Variants in CPQ observed in about 807,000 individuals in gnomAD.
The protein encoded by CPQ is Ser-Met dipeptidase.
In CPQ, 37 loss-of-function variants were observed where a neutral mutation model predicts 45.7. That is an observed-to-expected ratio of 0.81 (90% CI 0.62 to 1.07). CPQ has a LOEUF of 1.07. Ranked by LOEUF, CPQ falls within the 50% of genes least tolerant of loss-of-function variation. CPQ has a pLI of 0.00. For synonymous variants in CPQ, 186 were observed against 205.8 expected (o/e 0.90, Z 0.82); for missense variants, 537 against 572.9 (o/e 0.94, Z 0.64).
intron 4 of CPQ, among the ~76,000 whole-genome samples, chr8:96,965,436 C>T (rs929056921): frequency 7.2e-6 from 1 of 139,108 alleles, no homozygotes; most frequent in African/African-American, 2.7e-5. Context: ...GTGGCGCAAT[C>T]TCAGCTCACT....
rs113772379 is a variant in CPQ at position 97,088,815 on chromosome 8, T to C, written c.1255+22605T>C. 5.1e-3 allele frequency among the ~76,000 whole-genome samples: 783 copies of C among 152,250 alleles called. 8 individuals carry two copies. Among genetic ancestry groups the C allele is most frequent in the African/African-American group, 0.018 (752 of 41,548 alleles). ...AAACTTGATTAATTTTAACCATAGG[T>C]AGCTCAAAAGAACAGCTCAATTAAA... On this transcript the variant is annotated intron_variant, in intron 7 of 7. Coordinates refer to ENST00000220763, the MANE Select transcript of CPQ (RefSeq NM_016134.4).
chr8:97,116,439 C>T (rs536990936), intron 7 of CPQ, among the ~76,000 whole-genome samples: 10 of 152,350 alleles, frequency 6.6e-5, no homozygotes, highest in African/African-American at 2.4e-4. Context: ...AATAAACAGA[C>T]ACCAGCTATA....
At chr8:96,919,497 G>A (rs1388664603) in intron 4 of CPQ, among the ~76,000 whole-genome samples, 2 of 151,984 alleles carry the variant, frequency 1.3e-5, no homozygotes, top group Non-Finnish European at 2.9e-5. Flanking sequence ...TACATTAATT[G>A]TAAACTAAAA....
At chr8:97,045,030 A>G (rs1287920967) in intron 6 of CPQ, among the ~76,000 whole-genome samples, 1 of 152,250 alleles carries the variant, frequency 6.6e-6, no homozygotes, top group South Asian at 2.1e-4. Flanking sequence ...TCAGACAGGG[A>G]CATTTAAGTC....
chr8:96,915,601 G>A (rs1812723338), intron 4 of CPQ, among the ~76,000 whole-genome samples: 1 of 152,060 alleles, frequency 6.6e-6, no homozygotes, highest in African/African-American at 2.4e-5. Flanking sequence ...CCTCACAGTT[G>A]TCTGACTGTG....
intron 2 of CPQ, among the ~76,000 whole-genome samples, chr8:96,806,947 G>A (rs1811087010): frequency 6.6e-6 from 1 of 152,088 alleles, no homozygotes; most frequent in Non-Finnish European, 1.5e-5. Context: ...AATATCTCAT[G>A]TACCCTATAA....
intron 1 of CPQ, among the ~76,000 whole-genome samples, chr8:96,715,661 A>G (rs1809664125): frequency 1.3e-5 from 2 of 152,128 alleles, no homozygotes; most frequent in Non-Finnish European, 2.9e-5. Flanking sequence ...TTCCCTGTGG[A>G]GTGCAGCACT....
intron 4 of CPQ, among the ~76,000 whole-genome samples, chr8:96,927,483 G>C (rs555240597): frequency 2.0e-5 from 3 of 152,156 alleles, no homozygotes; most frequent in Non-Finnish European, 2.9e-5. Context: ...GCAAGGAAAG[G>C]CCAAGCCCCA....
At chr8:96,673,257 G>C (rs1440561465) in intron 1 of CPQ, among the ~76,000 whole-genome samples, 1 of 152,188 alleles carries the variant, frequency 6.6e-6, no homozygotes, top group Non-Finnish European at 1.5e-5. Context: ...GTGGACTTGG[G>C]CAAGCAGCTC....
At chr8:97,052,638 G>A (rs1467425057) in intron 6 of CPQ, among the ~76,000 whole-genome samples, 3 of 152,092 alleles carry the variant, frequency 2.0e-5, no homozygotes, top group Non-Finnish European at 4.4e-5. Context: ...ACATATGGGA[G>A]TCTCATCTTT....
intron 1 of CPQ, among the ~76,000 whole-genome samples, chr8:96,659,916 C>T (rs911359238): frequency 6.6e-6 from 1 of 152,242 alleles, no homozygotes; most frequent in Non-Finnish European, 1.5e-5. Flanking sequence ...TTATCCTCTA[C>T]ACTGCCTCAG....
intron 7 of CPQ, among the ~76,000 whole-genome samples, chr8:97,142,711 A>C (rs181412414): frequency 3.3e-5 from 5 of 152,336 alleles, no homozygotes; most frequent in Admixed American, 2.0e-4. Context: ...TTTTTAGTTT[A>C]GGGGCTTTTT....
At chr8:97,031,344 G>GC (rs938235898) in intron 6 of CPQ, among the ~76,000 whole-genome samples, 16 of 151,920 alleles carry the variant, frequency 1.1e-4, no homozygotes, top group Admixed American at 9.8e-4. Flanking sequence ...GTGCCACCAC[G>GC]CCCAGCTAAT....
chr8:96,812,865 T>C (rs1170569519), intron 2 of CPQ, among the ~76,000 whole-genome samples: 1 of 151,942 alleles, frequency 6.6e-6, no homozygotes, highest in African/African-American at 2.4e-5. Flanking sequence ...ATGTTGTTTC[T>C]TCTCTTTATA....
chr8:97,042,691 G>T (rs113768147), intron 6 of CPQ, among the ~76,000 whole-genome samples: 3 of 151,254 alleles, frequency 2.0e-5, no homozygotes, highest in Non-Finnish European at 3.0e-5. Context: ...TTGTGTCTTT[G>T]TTCTCGTTGG....
chr8:96,736,688 T>C (rs1233337887), intron 1 of CPQ, among the ~76,000 whole-genome samples: 1 of 152,228 alleles, frequency 6.6e-6, no homozygotes, highest in Non-Finnish European at 1.5e-5. Flanking sequence ...ATTGTGTTAA[T>C]CTGCTGTAAT....
intron 7 of CPQ, among the ~76,000 whole-genome samples, chr8:97,082,475 C>G (rs1430646039): frequency 6.6e-6 from 1 of 152,074 alleles, no homozygotes; most frequent in African/African-American, 2.4e-5. Context: ...ATTGTTGAGA[C>G]CTGATTCAAA....
In CPQ at chr8:96,753,552, T is replaced by C. The variant is rs185101977; in HGVS notation, c.-34-31312T>C. ...ATCCCTCAAGGTTTTACTTAAGAAA[T>C]TTATAGTTTGTAAGTATTATGTATT... On this transcript the variant is annotated intron_variant, in intron 1 of 7. Transcript: ENST00000220763. 2.0e-3 allele frequency among the ~76,000 whole-genome samples: 301 copies of C among 151,836 alleles called. 8 individuals carry two copies. The highest frequency in any genetic ancestry group is 0.019 in the Admixed American group (295 of 15,220).
intron 1 of CPQ, among the ~76,000 whole-genome samples, chr8:96,783,715 T>G (rs1032181915): frequency 6.6e-6 from 1 of 152,114 alleles, no homozygotes; most frequent in Non-Finnish European, 1.5e-5. Flanking sequence ...TCTGTGCTGC[T>G]TAATATAATA....
Sources: allele counts gnomAD v4.1 joint callset (sites outside exome capture counted in the v4.1 genomes callset), GRCh38; gene constraint gnomAD v4.1.1; transcripts MANE v1.5; gene names NCBI Gene and HGNC (gene_info 2026-07-23, HGNC 2026-07-21).